CHM: variants seen among roughly 807,000 people sequenced by gnomAD.
CHM encodes rab proteins geranylgeranyltransferase component A 1.
A neutral mutation model predicts 49.0 loss-of-function variants in CHM; 10 were observed. The observed-to-expected ratio is 0.20, with a 90% confidence interval of 0.13 to 0.35. The LOEUF is 0.35. CHM is among the 10% of genes least tolerant of loss of function. The pLI is 1.00. For missense variants in CHM, 455 were observed against 478.4 expected (o/e 0.95, Z 0.46); for synonymous variants, 184 against 167.5 (o/e 1.10, Z -0.76).
intron 2 of CHM, among the ~76,000 whole-genome samples, chrX:85,982,909 G>C (rs761228701): frequency 2.7e-5 from 3 of 111,630 alleles, no homozygotes; most frequent in Non-Finnish European, 5.6e-5. Flanking sequence ...AGGCTGAAGA[G>C]AGAGGAGTCC....
At chrX:85,878,886 G>A (rs1924580985) in intron 13 of CHM, 79 bp downstream of exon 13, 3 of 743,228 alleles carry the variant, frequency 4.0e-6, no homozygotes, top group Non-Finnish European at 6.1e-6. Context: ...TCAGGTTGCA[G>A]AAACTTTCAT....
chrX:85,878,575 T>C lies in CHM; in HGVS notation c.1609+390A>G, dbSNP rs763613515. 3.6e-5 allele frequency among the ~76,000 whole-genome samples: 4 copies of C among 111,786 alleles called. No individual in the cohort carries two copies. The East Asian group carries it at 1.1e-3, about 31-fold the overall frequency. Reference sequence around the variant, plus strand: ...TGAATCTTTTTTCCTTAAAGGAAGATACATTTCTCTGATAAAGGAATATAT... The same window carrying C: ...TGAATCTTTTTTCCTTAAAGGAAGACACATTTCTCTGATAAAGGAATATAT... On this transcript the variant is annotated intron_variant, in intron 13 of 14. Coordinates refer to ENST00000357749, the MANE Select transcript of CHM (RefSeq NM_000390.4).
chrX:86,013,734 A>AAAAAAAAAAAAAG (rs1555966044), intron 2 of CHM, among the ~76,000 whole-genome samples: 747 of 50,331 alleles, frequency 0.015, 14 homozygotes, highest in African/African-American at 0.03. Flanking sequence ...ACTTCGTCTC[A>AAAAAAAAAAAAAG]AAAAAAAAAA....
intron 5 of CHM, among the ~76,000 whole-genome samples, chrX:85,960,962 TTAAC>T (rs1216307648): frequency 9.0e-6 from 1 of 111,628 alleles, no homozygotes; most frequent in Non-Finnish European, 1.9e-5. Flanking sequence ...CGTATTTTAT[TTAAC>T]TAACCTACCT....
At chrX:85,952,480 T>C (rs775360084) in intron 8 of CHM, among the ~76,000 whole-genome samples, 5 of 111,526 alleles carry the variant, frequency 4.5e-5, no homozygotes, top group South Asian at 3.8e-4. Flanking sequence ...AGGGAACCCA[T>C]TGCCTTCAAA....
intron 8 of CHM, among the ~76,000 whole-genome samples, chrX:85,920,298 G>A (rs750376896): frequency 1.6e-3 from 173 of 110,008 alleles, no homozygotes; most frequent in African/African-American, 4.3e-3. Flanking sequence ...GGGTTTCACC[G>A]TGTTAGCCAG....
intron 1 of CHM, 98 bp downstream of exon 1, chrX:86,047,386 G>A: frequency 1.3e-6 from 1 of 789,547 alleles, no homozygotes; most frequent in South Asian, 2.2e-5. Flanking sequence ...TCCCACTCTC[G>A]ACCCACGATG....
chrX:85,945,127 C>T (rs147314502), intron 8 of CHM, among the ~76,000 whole-genome samples: 23 of 110,888 alleles, frequency 2.1e-4, no homozygotes, highest in Non-Finnish European at 4.0e-4. Context: ...CTGGGACGTA[C>T]CTGAAGGTGC....
chrX:85,953,541 C>A (rs867206084), intron 8 of CHM, among the ~76,000 whole-genome samples: 2 of 111,378 alleles, frequency 1.8e-5, no homozygotes, highest in Non-Finnish European at 3.8e-5. Flanking sequence ...ACTATAGTCA[C>A]CAAAACAGCA....
In CHM at chrX:85,981,814, A is replaced by G. The variant is rs1333753743; in HGVS notation, c.117-5T>C. ...TTTCCTCCATAGTAGCTTCTTCTGT[A>G]ACAATTAAAAAAAAAAAAAAAAGTA... On this transcript the variant is annotated splice_polypyrimidine_tract_variant and splice_region_variant and intron_variant, in intron 2 of 14. Coordinates refer to ENST00000357749, the MANE Select transcript of CHM (RefSeq NM_000390.4). The G allele has an allele frequency of 1.8e-6, 2 of 1,102,691 alleles. No individual in the cohort carries two copies. The highest frequency in any genetic ancestry group is 2.4e-6 in the Non-Finnish European group (2 of 829,539). 90.9% of individuals were successfully genotyped at this position (1,102,691 alleles called of 1,213,427 possible).
intron 2 of CHM, among the ~76,000 whole-genome samples, chrX:86,000,253 CTAAG>C (rs1370327912): frequency 9.6e-5 from 8 of 83,006 alleles, no homozygotes; most frequent in Non-Finnish European, 1.6e-4. Context: ...AGCTACCTAA[CTAAG>C]TAAGTCTTCC....
intron 7 of CHM, among the ~76,000 whole-genome samples, chrX:85,957,204 T>A (rs957936910): frequency 8.9e-6 from 1 of 111,766 alleles, no homozygotes; most frequent in African/African-American, 3.3e-5. Context: ...CAATAGTATA[T>A]TCCAATTTTG....
At chrX:85,923,643 C>T (rs1024530680) in intron 8 of CHM, among the ~76,000 whole-genome samples, 1 of 111,842 alleles carries the variant, frequency 8.9e-6, no homozygotes, top group African/African-American at 3.2e-5. Context: ...CAAAAGTATG[C>T]GAGACAAATG....
intron 8 of CHM, among the ~76,000 whole-genome samples, chrX:85,951,282 A>C (rs1929734463): frequency 1.8e-5 from 2 of 111,611 alleles, no homozygotes; most frequent in Admixed American, 1.9e-4. Flanking sequence ...AAAATAATGA[A>C]TTAGGACACA....
intron 5 of CHM, among the ~76,000 whole-genome samples, chrX:85,963,444 T>C (rs1930400479): frequency 1.8e-5 from 2 of 112,730 alleles, no homozygotes; most frequent in African/African-American, 6.5e-5. Flanking sequence ...AGCACAAAAG[T>C]ATTCTTCAGG....
At chrX:85,951,322 T>C (rs1280172098) in intron 8 of CHM, among the ~76,000 whole-genome samples, 2 of 110,723 alleles carry the variant, frequency 1.8e-5, no homozygotes, top group South Asian at 3.8e-4. Flanking sequence ...AAATCCCAAA[T>C]TTGATTCCTG....
chrX:85,869,925 T>C (rs1308369826), intron 14 of CHM, among the ~76,000 whole-genome samples: 1 of 112,543 alleles, frequency 8.9e-6, no homozygotes, highest in Non-Finnish European at 1.9e-5. Flanking sequence ...TTTAAAATAT[T>C]TCTATGTTTA....
At chrX:85,913,337 AAAGAAAG>A (rs1569411154) in intron 8 of CHM, among the ~76,000 whole-genome samples, 17 of 52,562 alleles carry the variant, frequency 3.2e-4, no homozygotes, top group African/African-American at 1.1e-3. Flanking sequence ...AAAAAAAAAG[AAAGAAAG>A]AAAGAAAGAA....
intron 8 of CHM, among the ~76,000 whole-genome samples, chrX:85,954,603 C>G (rs935706529): frequency 9.0e-6 from 1 of 111,361 alleles, no homozygotes; most frequent in East Asian, 2.8e-4. Flanking sequence ...ATAAAAAGAA[C>G]GAGATCCTGG....
Sources: allele counts gnomAD v4.1 joint callset (sites outside exome capture counted in the v4.1 genomes callset), GRCh38; gene constraint gnomAD v4.1.1; transcripts MANE v1.5; gene names NCBI Gene and HGNC (gene_info 2026-07-23, HGNC 2026-07-21).